The following EXOC6B variants were observed in gnomAD, a reference collection of about 807,000 sequenced individuals.
EXOC6B encodes the protein exocyst complex component 6B.
In EXOC6B, 54 loss-of-function variants were observed where a neutral mutation model predicts 113.5. The observed-to-expected ratio is 0.48, with a 90% CI of 0.38 to 0.60. The LOEUF (loss-of-function observed/expected upper bound fraction) is 0.60. Among genes scored for constraint, EXOC6B ranks in the 20% least tolerant of loss-of-function variants. The pLI is 0.00. For synonymous variants in EXOC6B, 357 were observed against 339.0 expected (o/e 1.05, Z -0.58); for missense variants, 797 against 977.5 (o/e 0.82, Z 2.46).
At chr2:72,733,200 G>T (rs538986839) in intron 2 of EXOC6B, 82 bp from the exon 3 acceptor site, 1 of 1,023,530 alleles carries the variant, frequency 9.8e-7, no homozygotes, top group Non-Finnish European at 1.5e-6. Context: ...AATATGAAAA[G>T]ATTAGGAATA....
intron 6 of EXOC6B, among the ~76,000 whole-genome samples, chr2:72,701,459 G>C (rs527691630): frequency 1.4e-4 from 21 of 151,760 alleles, no homozygotes; most frequent in Non-Finnish European, 2.6e-4. Context: ...CATCAGCAAA[G>C]TAAACACCTA....
At chr2:72,295,146 G>A (rs541195765) in intron 20 of EXOC6B, among the ~76,000 whole-genome samples, 5 of 149,622 alleles carry the variant, frequency 3.3e-5, no homozygotes, top group South Asian at 4.2e-4. Flanking sequence ...CAGGAGAGTC[G>A]CTTGAACCCG....
At chr2:72,299,711 A>T (rs978623396) in intron 20 of EXOC6B, among the ~76,000 whole-genome samples, 2 of 152,078 alleles carry the variant, frequency 1.3e-5, no homozygotes, top group Non-Finnish European at 2.9e-5. Context: ...TGACCTTCAG[A>T]TGAGGTCTCT....
intron 6 of EXOC6B, among the ~76,000 whole-genome samples, chr2:72,684,207 A>G (rs1676925918): frequency 6.6e-6 from 1 of 152,148 alleles, no homozygotes; most frequent in Non-Finnish European, 1.5e-5. Flanking sequence ...GATTAAAGGC[A>G]TGAGCCACCG....
intron 1 of EXOC6B, among the ~76,000 whole-genome samples, chr2:72,806,853 C>T (rs1453891645): frequency 6.6e-6 from 1 of 151,880 alleles, no homozygotes; most frequent in Non-Finnish European, 1.5e-5. Context: ...GTGTTCATGG[C>T]CTTTGCCTAC....
At chr2:72,466,901 T>C (rs1483032227) in intron 17 of EXOC6B, among the ~76,000 whole-genome samples, 1 of 152,198 alleles carries the variant, frequency 6.6e-6, no homozygotes, top group African/African-American at 2.4e-5. Context: ...TATAACACAG[T>C]TATTAACTAT....
chr2:72,544,802 C>A (rs1573363427), intron 8 of EXOC6B, among the ~76,000 whole-genome samples: 1 of 152,094 alleles, frequency 6.6e-6, no homozygotes, highest in East Asian at 1.9e-4. Flanking sequence ...TCTAAATACA[C>A]CATTTCCCAT....
At chr2:72,566,441 T>C (rs941752565) in intron 7 of EXOC6B, among the ~76,000 whole-genome samples, 9 of 152,134 alleles carry the variant, frequency 5.9e-5, no homozygotes, top group Non-Finnish European at 1.0e-4. Context: ...TGAAGGACAT[T>C]TGGGGTGTTT....
chr2:72,383,443 G>C (rs1372958585), intron 18 of EXOC6B, among the ~76,000 whole-genome samples: 1 of 151,708 alleles, frequency 6.6e-6, no homozygotes, highest in African/African-American at 2.4e-5. Context: ...AAACCAAAAG[G>C]AGATATCATC....
intron 6 of EXOC6B, among the ~76,000 whole-genome samples, chr2:72,594,197 G>T (rs971692676): frequency 6.6e-6 from 1 of 152,070 alleles, no homozygotes; most frequent in African/African-American, 2.4e-5. Context: ...TGCCCGGGCT[G>T]CTCTCAAACT....
At chr2:72,451,690 A>G (rs1460774122) in intron 18 of EXOC6B, among the ~76,000 whole-genome samples, 3 of 95,058 alleles carry the variant, frequency 3.2e-5, no homozygotes, top group Non-Finnish European at 6.1e-5. Flanking sequence ...GTGTGTGTGT[A>G]TCCCTAATCA....
At chr2:72,432,083 C>T (rs1695570002) in intron 18 of EXOC6B, among the ~76,000 whole-genome samples, 1 of 151,394 alleles carries the variant, frequency 6.6e-6, no homozygotes, top group African/African-American at 2.4e-5. Context: ...TTTTCCCAGG[C>T]TGGAGTGCAA....
chr2:72,658,452 T>C (rs182267164), intron 6 of EXOC6B, among the ~76,000 whole-genome samples: 3 of 152,012 alleles, frequency 2.0e-5, no homozygotes, highest in African/African-American at 7.2e-5. Flanking sequence ...GTGTCATGGC[T>C]GAAGTCTAAG....
intron 6 of EXOC6B, among the ~76,000 whole-genome samples, chr2:72,646,694 A>C (rs1673743628): frequency 6.6e-6 from 1 of 152,212 alleles, no homozygotes; most frequent in Admixed American, 6.5e-5. Context: ...AACCAATGAC[A>C]AAAACCACAT....
chr2:72,309,889 T>C (rs6737565), intron 20 of EXOC6B, among the ~76,000 whole-genome samples: 53,669 of 152,088 alleles, frequency 0.35, 15,124 homozygotes, highest in African/African-American at 0.79. Context: ...TTCATATAAA[T>C]GGAATCATAT....
Position 72,542,069 on chromosome 2 carries a change from T to C in EXOC6B, c.915+17384A>G, listed in dbSNP as rs575273140. Among the ~76,000 whole-genome samples, 4 of 152,336 alleles carry C rather than the reference T, an allele frequency of 2.6e-5. No homozygotes were observed. The East Asian group carries it at 5.8e-4, about 22-fold the overall frequency. On this transcript the variant is annotated intron_variant, in intron 8 of 21. Coordinates refer to ENST00000272427, the MANE Select transcript of EXOC6B (RefSeq NM_015189.3). ...CCTTAGTTATTAACACTCCATTTAA[T>C]AGAACAACAAACTATACTAACCTCA...
intron 6 of EXOC6B, among the ~76,000 whole-genome samples, chr2:72,644,198 T>C (rs1673501132): frequency 6.6e-6 from 1 of 152,158 alleles, no homozygotes; most frequent in Admixed American, 6.6e-5. Context: ...AGGGTATCAG[T>C]GATTGAAGAT....
At position 72,764,282 on chromosome 2, in the gene EXOC6B, TTTG is replaced by T. The variant is rs1249241647; in HGVS notation, c.114-22816_114-22814del. Among the ~76,000 whole-genome samples the T allele has an allele frequency of 2.0e-5, 3 of 152,012 alleles. No homozygotes were observed. The East Asian group carries it at 5.8e-4, about 29-fold the overall frequency. On this transcript the variant is annotated intron_variant, in intron 1 of 21. Coordinates refer to ENST00000272427, the MANE Select transcript of EXOC6B (RefSeq NM_015189.3). Reference sequence around the variant, plus strand: ...GTAATATAAATAATATAGTTATGCTTTTGTTTCTTGTATTATTAAAAACAGATT... The same window carrying T: ...GTAATATAAATAATATAGTTATGCTTTTTCTTGTATTATTAAAAACAGATT...
chr2:72,697,199 C>A (rs554843143), intron 6 of EXOC6B, among the ~76,000 whole-genome samples: 4 of 151,880 alleles, frequency 2.6e-5, no homozygotes. Context: ...AGCCCATAAT[C>A]AAAAAGGTTT....
Sources: gnomAD v4.1 joint callset for allele counts (sites outside exome capture counted in the v4.1 genomes callset) on GRCh38, gnomAD v4.1.1 for gene constraint, MANE v1.5 for transcripts, NCBI Gene and HGNC (gene_info 2026-07-23, HGNC 2026-07-21) for gene names.